KIAA1671: variants seen among roughly 807,000 people sequenced by gnomAD.
KIAA1671 encodes the protein KIAA1671, also known as uncharacterized protein KIAA1671.
Under a neutral mutation model 131.2 loss-of-function variants are expected in KIAA1671, and 52 were observed. The observed-to-expected ratio is 0.40, with a 90% CI of 0.32 to 0.50. The LOEUF is 0.50. KIAA1671 is among the 20% of genes least tolerant of loss of function. The pLI is 0.73. For synonymous variants in KIAA1671, 1,003 were observed against 961.6 expected, an observed-to-expected ratio of 1.04 and a Z score of -0.80; for missense variants, 2,360 against 2,364.2, an observed-to-expected ratio of 1.00 and a Z score of 0.04.
intron 5 of KIAA1671, among the ~76,000 whole-genome samples, chr22:25,044,326 T>C (rs930081568): frequency 2.6e-5 from 4 of 152,234 alleles, no homozygotes; most frequent in Admixed American, 6.5e-5. Flanking sequence ...GGGTTTCATC[T>C]GTCCCTACCT....
chr22:25,140,917 G>C (rs1248100240), intron 6 of KIAA1671, among the ~76,000 whole-genome samples: 1 of 152,182 alleles, frequency 6.6e-6, no homozygotes, highest in African/African-American at 2.4e-5. Context: ...ATATGGGAAG[G>C]AGAAGTGAGG....
intron 1 of KIAA1671, chr22:25,013,993 C>T (rs964517316): frequency 1.1e-4 from 17 of 152,300 alleles, no homozygotes; most frequent in African/African-American, 3.6e-4. Flanking sequence ...GTTTTCCTTA[C>T]GTGTGATTCT....
chr22:25,138,080 T>C (rs1218458453), intron 6 of KIAA1671, among the ~76,000 whole-genome samples: 1 of 152,230 alleles, frequency 6.6e-6, no homozygotes, highest in Non-Finnish European at 1.5e-5. Flanking sequence ...TAGGTTGTGC[T>C]GCAGTGACAA....
intron 1 of KIAA1671, among the ~76,000 whole-genome samples, chr22:24,957,300 G>A (rs917901422): frequency 5.3e-5 from 8 of 152,132 alleles, no homozygotes; most frequent in African/African-American, 1.9e-4. Flanking sequence ...ACTGGCAAAG[G>A]CATAGATCGC....
In KIAA1671 at chr22:25,138,166, G is replaced by A. The variant is rs970084046; in HGVS notation, c.4531-32654G>A. The stretch of plus-strand genomic sequence containing the variant: ...TATTTTTTGAGCATTCTAAATGCCC[G>A]CTGTCATTGGCTGTGTCTGTGTTCC... On this transcript the variant is annotated intron_variant, in intron 6 of 12. Transcript: ENST00000358431. 6.6e-5 allele frequency among the ~76,000 whole-genome samples: 10 copies of A among 152,238 alleles called. No individual in the cohort carries two copies. In the East Asian group the frequency reaches 1.5e-3, roughly 23 times the overall value.
At chr22:25,119,404 A>G (rs1169696333) in intron 6 of KIAA1671, among the ~76,000 whole-genome samples, 1 of 152,198 alleles carries the variant, frequency 6.6e-6, no homozygotes, top group African/African-American at 2.4e-5. Context: ...AGAGGGCAGG[A>G]TGGAAAATCT....
In KIAA1671 at chr22:25,039,235, G is replaced by C; in HGVS notation, c.2105G>C (p.Arg702Pro). Residue 702 changes from arginine (R) to proline (P), a missense_variant, in exon 5 of 13, where the codon CGG becomes CCG. Arg to Pro is a moderately radical substitution (Grantham distance 103). Around this residue, in one of 3 missense-constraint regions of KIAA1671, gnomAD observed 1,185 missense variants for 1,126.2 expected, o/e 1.05. Coordinates refer to ENST00000358431, the MANE Select transcript of KIAA1671 (RefSeq NM_001145206.2). ...GELRPYHTPL[R>P]DKYPLSENHN... ...CTGAGACCGTATCACACGCCTCTCCGGGACAAATACCCTTTGTCTGAAAAC... is the reference window on the plus strand; with the variant it reads ...CTGAGACCGTATCACACGCCTCTCCCGGACAAATACCCTTTGTCTGAAAAC... 6.4e-7 allele frequency: 1 copy of C among 1,552,218 alleles called. No individual in the cohort carries two copies. Among genetic ancestry groups the C allele is most frequent in the Non-Finnish European group, 8.7e-7 (1 of 1,147,112 alleles).
intron 1 of KIAA1671, among the ~76,000 whole-genome samples, chr22:25,018,200 G>A (rs1391470206): frequency 6.6e-6 from 1 of 152,064 alleles, no homozygotes; most frequent in Non-Finnish European, 1.5e-5. Flanking sequence ...CCCTACTAGA[G>A]TGTGTCACCA....
chr22:25,180,892 T>A (rs1490612235), intron 9 of KIAA1671, among the ~76,000 whole-genome samples: 1 of 152,164 alleles, frequency 6.6e-6, no homozygotes, highest in Admixed American at 6.5e-5. Flanking sequence ...AAGACCATAA[T>A]AGGGACAAAA....
intron 1 of KIAA1671, chr22:25,014,303 C>A (rs1457858065): frequency 3.9e-5 from 6 of 152,124 alleles, no homozygotes; most frequent in Admixed American, 2.6e-4. Context: ...AAACAAATTT[C>A]TAAATAGGAT....
At chr22:25,083,606 C>T (rs1324206914) in intron 6 of KIAA1671, among the ~76,000 whole-genome samples, 1 of 152,220 alleles carries the variant, frequency 6.6e-6, no homozygotes, top group Non-Finnish European at 1.5e-5. Flanking sequence ...CACAGCTGGT[C>T]AACAGTGGAG....
intron 9 of KIAA1671, chr22:25,179,422 T>C: frequency 1.9e-6 from 3 of 1,612,674 alleles, no homozygotes; most frequent in African/African-American, 1.3e-5. Context: ...ATCTCCTTGC[T>C]GAGCTCCATT....
In KIAA1671 at chr22:25,179,587, C is replaced by G. The variant is rs1297838356; in HGVS notation, c.5074+2065C>G. 7 of 1,368,008 alleles carry G rather than the reference C, an allele frequency of 5.1e-6. No individual in the cohort carries two copies. The East Asian group carries it at 1.7e-4, about 34-fold the overall frequency. 84.7% of individuals were successfully genotyped at this position (1,368,008 alleles called of 1,614,324 possible). Reference sequence around the variant, plus strand: ...AGGGAACGGAGCCGCTTCCCCTGCCCAATGCGTTGGCCTCCAGGGTGGCAC... The same window carrying G: ...AGGGAACGGAGCCGCTTCCCCTGCCGAATGCGTTGGCCTCCAGGGTGGCAC... On this transcript the variant is annotated intron_variant, in intron 9 of 12. Transcript: ENST00000358431.
At chr22:24,988,418 A>G (rs1923667932) in intron 1 of KIAA1671, among the ~76,000 whole-genome samples, 1 of 152,104 alleles carries the variant, frequency 6.6e-6, no homozygotes, top group Admixed American at 6.6e-5. Flanking sequence ...TCCTTTGGGT[A>G]GAAAATCACT....
At chr22:25,107,321 G>T (rs1474298624) in intron 6 of KIAA1671, among the ~76,000 whole-genome samples, 1 of 152,042 alleles carries the variant, frequency 6.6e-6, no homozygotes, top group African/African-American at 2.4e-5. Context: ...GGAGACTGAG[G>T]CAGGAGAATG....
At chr22:25,074,496 CAAAA>C (rs759898395) in intron 6 of KIAA1671, among the ~76,000 whole-genome samples, 2 of 64,148 alleles carry the variant, frequency 3.1e-5, no homozygotes, top group African/African-American at 1.2e-4. Flanking sequence ...GGCTGTGTCT[CAAAA>C]AAAAAAAAAA....
chr22:25,128,145 G>A (rs760798098), intron 6 of KIAA1671, among the ~76,000 whole-genome samples: 2 of 152,188 alleles, frequency 1.3e-5, no homozygotes, highest in East Asian at 3.8e-4. Flanking sequence ...CTGGTGCCAC[G>A]AGGAGAGTAC....
intron 6 of KIAA1671, chr22:25,052,779 T>C (rs2013477): frequency 0.15 from 23,284 of 152,130 alleles, 1,936 homozygotes; most frequent in African/African-American, 0.2. Context: ...TGCAGTGGCA[T>C]AATCTCGATT....
rs111621021 is a variant in KIAA1671 at position 25,122,784 on chromosome 22, C to T, written c.4531-48036C>T. On this transcript the variant is annotated intron_variant, in intron 6 of 12. Coordinates refer to ENST00000358431, the MANE Select transcript of KIAA1671 (RefSeq NM_001145206.2). ...GGTCAGGAGATCGAGACCATCCTGGCTAACATGGTGAAACCCCGTCTCTAC... is the reference window on the plus strand; with the variant it reads ...GGTCAGGAGATCGAGACCATCCTGGTTAACATGGTGAAACCCCGTCTCTAC... Among the ~76,000 whole-genome samples, 192 of 152,272 alleles carry T rather than the reference C, an allele frequency of 1.3e-3. 1 individual carries two copies. The highest frequency in any genetic ancestry group is 4.5e-3 in the African/African-American group (187 of 41,554).
Sources: gnomAD v4.1 joint callset for allele counts (sites outside exome capture counted in the v4.1 genomes callset) on GRCh38, gnomAD v4.1.1 for gene constraint, gnomAD v4.1.1 regional missense constraint, MANE v1.5 for transcripts, NCBI Gene and HGNC (gene_info 2026-07-23, HGNC 2026-07-21) for gene names.